Variants in MDGA2 observed in about 807,000 individuals in gnomAD.
MDGA2 encodes MAM domain containing glycosylphosphatidylinositol anchor 2, also known as MAM domain-containing glycosylphosphatidylinositol anchor protein 2.
Under a neutral mutation model 117.8 loss-of-function variants are expected in MDGA2, and 40 were observed. The ratio of observed to expected loss-of-function variants is 0.34; its 90% CI spans 0.26 to 0.44. The LOEUF (loss-of-function observed/expected upper bound fraction) is 0.44. Among genes scored for constraint, MDGA2 ranks in the 20% least tolerant of loss-of-function variants. MDGA2 has a pLI of 1.00. For missense variants in MDGA2, 1,123 were observed against 1,250.6 expected, an observed-to-expected ratio of 0.90 and a Z score of 1.54; for synonymous variants, 452 against 439.0, an observed-to-expected ratio of 1.03 and a Z score of -0.37.
At chr14:47,187,834 G>A (rs914318998) in intron 3 of MDGA2, among the ~76,000 whole-genome samples, 6 of 151,966 alleles carry the variant, frequency 3.9e-5, no homozygotes, top group African/African-American at 1.4e-4. Flanking sequence ...GAAAATCAAA[G>A]TCAGGATGTC....
At chr14:47,337,669 AAG>A (rs1296285885) in intron 1 of MDGA2, among the ~76,000 whole-genome samples, 1 of 152,036 alleles carries the variant, frequency 6.6e-6, no homozygotes, top group East Asian at 1.9e-4. Context: ...AAGGAGGAGA[AAG>A]AGACAATAAA....
chr14:46,886,291 ACT>A (rs2138403953), intron 10 of MDGA2, among the ~76,000 whole-genome samples: 1 of 152,184 alleles, frequency 6.6e-6, no homozygotes, highest in South Asian at 2.1e-4. Context: ...GAAATTGTAG[ACT>A]CTTCATAAAC....
chr14:47,353,599 G>A (rs1890931186), intron 1 of MDGA2, among the ~76,000 whole-genome samples: 1 of 152,154 alleles, frequency 6.6e-6, no homozygotes, highest in Non-Finnish European at 1.5e-5. Flanking sequence ...TCTGCCTGGT[G>A]TACTTATAAG....
At chr14:47,645,633 A>C (rs2138256497) in intron 1 of MDGA2, among the ~76,000 whole-genome samples, 1 of 152,192 alleles carries the variant, frequency 6.6e-6, no homozygotes, top group Admixed American at 6.5e-5. Flanking sequence ...TTATAATTAC[A>C]GACTGTTTCA....
intron 1 of MDGA2, among the ~76,000 whole-genome samples, chr14:47,561,115 T>C (rs1361758060): frequency 2.0e-5 from 3 of 148,430 alleles, no homozygotes; most frequent in Admixed American, 6.8e-5. Flanking sequence ...TAGTTTGAAA[T>C]AGGCTAGCAT....
At chr14:46,967,657 T>C (rs1289278095) in intron 8 of MDGA2, among the ~76,000 whole-genome samples, 1 of 152,132 alleles carries the variant, frequency 6.6e-6, no homozygotes, top group Non-Finnish European at 1.5e-5. Context: ...TCCTGAGTTG[T>C]ATTCACTACA....
At chr14:47,517,948 A>C (rs1367624592) in intron 1 of MDGA2, among the ~76,000 whole-genome samples, 10 of 152,148 alleles carry the variant, frequency 6.6e-5, no homozygotes, top group Admixed American at 6.6e-4. Flanking sequence ...TCAATAGTGT[A>C]AAAAATTAAA....
At chr14:46,987,090 A>G (rs1481967523) in intron 8 of MDGA2, among the ~76,000 whole-genome samples, 1 of 152,122 alleles carries the variant, frequency 6.6e-6, no homozygotes, top group African/African-American at 2.4e-5. Flanking sequence ...CATGATAGTG[A>G]CACTAAAACA....
chr14:46,856,778 T>A (rs1389756860), intron 14 of MDGA2, among the ~76,000 whole-genome samples: 1 of 152,106 alleles, frequency 6.6e-6, no homozygotes, highest in Middle Eastern at 3.2e-3. Flanking sequence ...GGAACTGATT[T>A]TTTTCAGGAT....
chr14:47,666,512 T>C lies in MDGA2; in HGVS notation c.280+8005A>G, dbSNP rs1364153930. ...GACACTCTGTATCTAGCTAATCTAG[T>C]GGGAATGTGGAGAACTTTTGAGTCT... On this transcript the variant is annotated intron_variant, in intron 1 of 16. Coordinates refer to ENST00000399232, the MANE Select transcript of MDGA2 (RefSeq NM_001113498.3). Among the ~76,000 whole-genome samples the C allele has an allele frequency of 2.0e-5, 3 of 152,274 alleles. No homozygotes were observed. In the East Asian group the frequency reaches 5.8e-4, roughly 29 times the overall value.
intron 1 of MDGA2, among the ~76,000 whole-genome samples, chr14:47,613,600 T>C (rs764269705): frequency 1.3e-5 from 2 of 152,098 alleles, no homozygotes; most frequent in Non-Finnish European, 2.9e-5. Context: ...CTTCATATTA[T>C]GAGGGCTGAA....
At chr14:46,960,398 G>A (rs1168457669) in intron 8 of MDGA2, 2 of 151,830 alleles carry the variant, frequency 1.3e-5, no homozygotes, top group African/African-American at 2.4e-5. Flanking sequence ...TATCTTTAGT[G>A]AACTTTTTGA....
chr14:47,007,535 T>G (rs1887754599), intron 8 of MDGA2, among the ~76,000 whole-genome samples: 1 of 151,808 alleles, frequency 6.6e-6, no homozygotes, highest in African/African-American at 2.4e-5. Context: ...AGGTGTGAGA[T>G]GAACACAGAT....
chr14:46,853,234 G>T (rs1444483198), intron 15 of MDGA2, among the ~76,000 whole-genome samples: 2 of 151,812 alleles, frequency 1.3e-5, no homozygotes, highest in Non-Finnish European at 2.9e-5. Flanking sequence ...ATTGTTGAAT[G>T]TGAAGACATA....
At chr14:47,177,698 C>T (rs1346185518) in intron 3 of MDGA2, among the ~76,000 whole-genome samples, 1 of 151,966 alleles carries the variant, frequency 6.6e-6, no homozygotes, top group Non-Finnish European at 1.5e-5. Flanking sequence ...ATACCTAATG[C>T]TAAGTGACAA....
At chr14:46,929,649 A>ATTTTTTTTTTTTTTTT (rs1180832509) in intron 9 of MDGA2, among the ~76,000 whole-genome samples, 3 of 13,704 alleles carry the variant, frequency 2.2e-4, no homozygotes, top group Admixed American at 9.0e-4. Context: ...ATATATATAC[A>ATTTTTTTTTTTTTTTT]TTTTTTTTTT....
intron 2 of MDGA2, among the ~76,000 whole-genome samples, chr14:47,222,042 A>T (rs1446373378): frequency 6.6e-6 from 1 of 151,978 alleles, no homozygotes; most frequent in Non-Finnish European, 1.5e-5. Context: ...TATGCAATAG[A>T]CCACTATACA....
intron 1 of MDGA2, among the ~76,000 whole-genome samples, chr14:47,468,250 A>C (rs902749574): frequency 6.6e-6 from 1 of 152,170 alleles, no homozygotes; most frequent in African/African-American, 2.4e-5. Flanking sequence ...GACTATCCGT[A>C]ATCGTAAAAA....
chr14:47,366,585 T>G (rs1202681438), intron 1 of MDGA2, among the ~76,000 whole-genome samples: 1 of 152,112 alleles, frequency 6.6e-6, no homozygotes, highest in Admixed American at 6.6e-5. Flanking sequence ...AGTGCTCTAC[T>G]AATCACTCAA....
Sources: gnomAD v4.1 joint callset for allele counts (sites outside exome capture counted in the v4.1 genomes callset) on GRCh38, gnomAD v4.1.1 for gene constraint, MANE v1.5 for transcripts, NCBI Gene and HGNC (gene_info 2026-07-23, HGNC 2026-07-21) for gene names.